Variants in PVT1 observed in about 807,000 individuals in gnomAD.
PVT1 encodes Pvt1 oncogene.
At chr8:127,809,051 AAAAAG>A (rs1358571050) in intron 2 of PVT1, among the ~76,000 whole-genome samples, 1 of 150,232 alleles carries the variant, frequency 6.7e-6, no homozygotes, top group Non-Finnish European at 1.5e-5. Flanking sequence ...AAAAAAAAAA[AAAAAG>A]AAAGAAAAAA....
chr8:127,855,910 G>A (rs1029153571), intron 2 of PVT1, among the ~76,000 whole-genome samples: 9 of 152,184 alleles, frequency 5.9e-5, no homozygotes, highest in African/African-American at 9.7e-5. Context: ...CACAAGCAGC[G>A]TCCCCTGGTC....
intron 4 of PVT1, among the ~76,000 whole-genome samples, chr8:128,037,456 G>T (rs1813478783): frequency 6.6e-6 from 1 of 152,144 alleles, no homozygotes. Flanking sequence ...TTATTGTGTT[G>T]TTGCACTTTG....
At chr8:127,821,809 C>CAA (rs35101455) in intron 2 of PVT1, among the ~76,000 whole-genome samples, 1 of 129,042 alleles carries the variant, frequency 7.7e-6, no homozygotes, top group Non-Finnish European at 1.7e-5. Context: ...GTCTCTGTCT[C>CAA]AAAAAAAAAA....
chr8:127,814,762 G>A (rs921869719), intron 2 of PVT1, among the ~76,000 whole-genome samples: 4 of 152,008 alleles, frequency 2.6e-5, no homozygotes, highest in South Asian at 4.1e-4. Context: ...AACCATCACC[G>A]CTAATCTAAC....
At chr8:127,800,629 G>A (rs903548030) in intron 2 of PVT1, among the ~76,000 whole-genome samples, 9 of 151,854 alleles carry the variant, frequency 5.9e-5, no homozygotes, top group Admixed American at 1.3e-4. Context: ...ATTTTTTCTC[G>A]ATAGGGCTTA....
At chr8:128,069,731 T>C (rs992447636) in intron 4 of PVT1, among the ~76,000 whole-genome samples, 4 of 152,116 alleles carry the variant, frequency 2.6e-5, no homozygotes, top group African/African-American at 9.7e-5. Context: ...CTCTTCATGA[T>C]GGGGAAACTG....
At chr8:127,981,863 T>C (rs1816886232) in intron 3 of PVT1, among the ~76,000 whole-genome samples, 1 of 152,202 alleles carries the variant, frequency 6.6e-6, no homozygotes, top group Admixed American at 6.5e-5. Context: ...CAGGAGGTGG[T>C]GCCACCAAAG....
chr8:127,889,533 G>A (rs1033035693), intron 2 of PVT1, among the ~76,000 whole-genome samples: 6 of 151,510 alleles, frequency 4.0e-5, no homozygotes, highest in Non-Finnish European at 5.9e-5. Flanking sequence ...CTCTAAAGTC[G>A]GTTAACAATA....
chr8:128,086,787 G>A (rs1814263363), intron 5 of PVT1, among the ~76,000 whole-genome samples: 1 of 152,148 alleles, frequency 6.6e-6, no homozygotes, highest in Non-Finnish European at 1.5e-5. Flanking sequence ...CTACAGGGTG[G>A]GCCCTGGCTG....
At chr8:128,043,029 G>T (rs1044083657) in intron 4 of PVT1, among the ~76,000 whole-genome samples, 1 of 152,132 alleles carries the variant, frequency 6.6e-6, no homozygotes, top group Non-Finnish European at 1.5e-5. Flanking sequence ...CTCCCAAAGT[G>T]CTAGGATCAC....
At chr8:128,051,123 C>T (rs148769117) in intron 4 of PVT1, among the ~76,000 whole-genome samples, 9 of 152,250 alleles carry the variant, frequency 5.9e-5, no homozygotes, top group Admixed American at 2.6e-4. Context: ...TTTCATTGAA[C>T]GAAATTGATT....
At chr8:127,974,380 A>C (rs1424801130) in intron 3 of PVT1, among the ~76,000 whole-genome samples, 2 of 151,912 alleles carry the variant, frequency 1.3e-5, no homozygotes, top group Admixed American at 1.3e-4. Flanking sequence ...AAGTTTTCCC[A>C]AAAAAAGTCA....
intron 3 of PVT1, among the ~76,000 whole-genome samples, chr8:127,951,798 C>T (rs986203067): frequency 2.0e-5 from 3 of 149,350 alleles, no homozygotes; most frequent in African/African-American, 4.9e-5. Context: ...CTGCTCCTTA[C>T]AAAAACAAAA....
intron 3 of PVT1, among the ~76,000 whole-genome samples, chr8:127,959,638 C>G (rs887740526): frequency 3.2e-4 from 47 of 148,106 alleles, no homozygotes; most frequent in Admixed American, 3.1e-3. Flanking sequence ...TAAAGGAGCT[C>G]TTCTTATTGA....
intron 2 of PVT1, among the ~76,000 whole-genome samples, chr8:127,858,868 T>G (rs1451567366): frequency 2.2e-5 from 3 of 136,470 alleles, no homozygotes; most frequent in Admixed American, 8.2e-5. Context: ...AGAGCAGTGG[T>G]GCTATCATAG....
At chr8:127,837,324 A>G (rs1023145045) in intron 2 of PVT1, among the ~76,000 whole-genome samples, 14 of 152,108 alleles carry the variant, frequency 9.2e-5, no homozygotes, top group Admixed American at 4.6e-4. Context: ...CTGTAAAAGG[A>G]AAAAAGAAGG....
At chr8:127,890,319 C>T (rs139899540) in intron 2 of PVT1, among the ~76,000 whole-genome samples, 68 of 152,322 alleles carry the variant, frequency 4.5e-4, no homozygotes, top group African/African-American at 1.6e-3. Flanking sequence ...TGGATGCCCC[C>T]CAGCCTCCTC....
chr8:127,917,982 C>G (rs780335990), intron 3 of PVT1, among the ~76,000 whole-genome samples: 1 of 152,254 alleles, frequency 6.6e-6, no homozygotes, highest in Non-Finnish European at 1.5e-5. Flanking sequence ...AATAAGCAGC[C>G]TCTGCTTGCC....
At chr8:128,083,104 G>A (rs563789094) in intron 5 of PVT1, among the ~76,000 whole-genome samples, 142 of 152,250 alleles carry the variant, frequency 9.3e-4, no homozygotes, top group African/African-American at 3.2e-3. Context: ...GCTCTGTGGC[G>A]TGACTTTAGA....
Sources: allele counts gnomAD v4.1 joint callset (sites outside exome capture counted in the v4.1 genomes callset), GRCh38; gene constraint gnomAD v4.1.1; transcripts MANE v1.5; gene names NCBI Gene and HGNC (gene_info 2026-07-23, HGNC 2026-07-21).